CTNND2: variants seen among roughly 807,000 people sequenced by gnomAD.
The protein encoded by CTNND2 is catenin delta-2.
CTNND2 carries 22 observed loss-of-function variants against 144.4 expected under a neutral mutation model. That is an observed-to-expected ratio of 0.15 (90% CI 0.11 to 0.22). The LOEUF (loss-of-function observed/expected upper bound fraction) is 0.22, where lower values mean the gene tolerates loss of function less well. Among genes scored for constraint, CTNND2 ranks in the 10% least tolerant of loss-of-function variants. The probability of loss-of-function intolerance (pLI) is 1.00; values close to 1 mark genes in which losing one functional copy is unlikely to be tolerated. For synonymous variants in CTNND2, 751 were observed against 695.6 expected, an observed-to-expected ratio of 1.08 and a Z score of -1.25; for missense variants, 1,353 against 1,618.8, an observed-to-expected ratio of 0.84 and a Z score of 2.82.
intron 17 of CTNND2, among the ~76,000 whole-genome samples, chr5:11,019,943 G>T (rs867417404): frequency 2.0e-5 from 3 of 152,304 alleles, no homozygotes; most frequent in Middle Eastern, 3.4e-3. Flanking sequence ...GATGTGAAAA[G>T]AATAAATAAT....
intron 2 of CTNND2, among the ~76,000 whole-genome samples, chr5:11,690,173 G>GA: frequency 6.6e-6 from 1 of 152,338 alleles, no homozygotes; most frequent in East Asian, 1.9e-4. Context: ...TAAAATCAGT[G>GA]CCAGGAATGT....
At chr5:11,173,712 T>C (rs1389603014) in intron 11 of CTNND2, among the ~76,000 whole-genome samples, 1 of 152,236 alleles carries the variant, frequency 6.6e-6, no homozygotes, top group Non-Finnish European at 1.5e-5. Context: ...CAATTGGAGC[T>C]ATAAGGTTAG....
chr5:11,200,731 T>G (rs1354968333), intron 10 of CTNND2, among the ~76,000 whole-genome samples: 1 of 152,180 alleles, frequency 6.6e-6, no homozygotes, highest in Non-Finnish European at 1.5e-5. Context: ...CAGGCTGGAG[T>G]GCAGTGGCGC....
intron 9 of CTNND2, among the ~76,000 whole-genome samples, chr5:11,283,103 A>G (rs1407117298): frequency 2.0e-5 from 3 of 152,110 alleles, no homozygotes; most frequent in African/African-American, 7.2e-5. Context: ...GCTTGCTTTT[A>G]CCCCAGCCCC....
At chr5:11,439,302 A>G (rs377672854) in intron 3 of CTNND2, among the ~76,000 whole-genome samples, 1 of 152,114 alleles carries the variant, frequency 6.6e-6, no homozygotes, top group South Asian at 2.1e-4. Context: ...AGCAGAGGGG[A>G]TGCCTTGGTC....
chr5:11,671,097 A>G (rs1243681621), intron 2 of CTNND2, among the ~76,000 whole-genome samples: 2 of 152,234 alleles, frequency 1.3e-5, no homozygotes, highest in Non-Finnish European at 2.9e-5. Context: ...AATGTTGAAT[A>G]CTGGCCCCCC....
chr5:11,034,327 G>T (rs552050351), intron 16 of CTNND2, among the ~76,000 whole-genome samples: 50 of 152,294 alleles, frequency 3.3e-4, no homozygotes, highest in African/African-American at 1.2e-3. Flanking sequence ...CGAGTGTTCA[G>T]CTAGATTGAA....
intron 14 of CTNND2, among the ~76,000 whole-genome samples, chr5:11,102,508 G>T (rs1283248066): frequency 2.6e-5 from 4 of 152,122 alleles, no homozygotes; most frequent in African/African-American, 9.7e-5. Flanking sequence ...CAAACCAATA[G>T]ATTGATTTTT....
At chr5:11,078,729 T>G (rs535936075) in intron 16 of CTNND2, among the ~76,000 whole-genome samples, 35 of 152,178 alleles carry the variant, frequency 2.3e-4, no homozygotes, top group Non-Finnish European at 4.0e-4. Flanking sequence ...GGGATAGGAT[T>G]TTATTGGGAA....
At position 11,357,820 on chromosome 5, in the gene CTNND2, T is replaced by C. The variant is rs539058624; in HGVS notation, c.1372+6876A>G. On this transcript the variant is annotated intron_variant, in intron 8 of 21. Transcript: ENST00000304623. Reference sequence around the variant, plus strand: ...ATCCCATGAACATGTACATGTGTCATTACAATGTGTCAACTAAAAAATTAA... The same window carrying C: ...ATCCCATGAACATGTACATGTGTCACTACAATGTGTCAACTAAAAAATTAA... Among the ~76,000 whole-genome samples the C allele has an allele frequency of 2.0e-5, 3 of 152,178 alleles. No homozygotes were observed. The East Asian group carries it at 5.8e-4, about 29-fold the overall frequency.
intron 11 of CTNND2, among the ~76,000 whole-genome samples, chr5:11,181,393 G>A (rs948564758): frequency 1.3e-5 from 2 of 152,116 alleles, no homozygotes; most frequent in African/African-American, 4.8e-5. Context: ...AGACACATGT[G>A]GGGCCACTTT....
chr5:11,309,089 C>T (rs1450867996), intron 9 of CTNND2, among the ~76,000 whole-genome samples: 1 of 152,204 alleles, frequency 6.6e-6, no homozygotes, highest in South Asian at 2.1e-4. Flanking sequence ...ATTGGGGATT[C>T]GAATTTGACA....
intron 2 of CTNND2, among the ~76,000 whole-genome samples, chr5:11,670,556 G>A (rs1449230832): frequency 2.0e-5 from 3 of 152,066 alleles, no homozygotes; most frequent in Non-Finnish European, 1.5e-5. Flanking sequence ...TTTTATCAGA[G>A]ACAAGACTAG....
intron 3 of CTNND2, among the ~76,000 whole-genome samples, chr5:11,476,039 T>C (rs32603): frequency 0.43 from 64,078 of 149,540 alleles, 13,830 homozygotes; most frequent in Middle Eastern, 0.53. Context: ...TTTCTATTTT[T>C]TTTTTTTTTT....
chr5:11,655,871 AC>A (rs113733755), intron 2 of CTNND2, among the ~76,000 whole-genome samples: 12 of 151,082 alleles, frequency 7.9e-5, no homozygotes, highest in East Asian at 1.9e-4. Context: ...CCAAGTTGCT[AC>A]TTTTTTTTTC....
rs1758926445 is a variant in CTNND2, at chr5:11,385,098, G to C, written c.744C>G (p.Ala248=). The part of the protein sequence containing the change: ...FHLPDAPPAA[A]AAALYYSSST... ...AGCTGGAGTAGTAGAGCGCGGCGGC[G>C]GCGGCGGCGGGCGGCGCGTCGGGCA... The change falls in exon 7 of 22, where the codon GCC becomes GCG. Residue 248 remains alanine (A), a synonymous_variant. Coordinates refer to ENST00000304623, the MANE Select transcript of CTNND2 (RefSeq NM_001332.4). 1 of 1,032,204 alleles carries C rather than the reference G, an allele frequency of 9.7e-7. No homozygotes were observed. Among genetic ancestry groups the C allele is most frequent in the African/African-American group, 1.7e-5 (1 of 57,384 alleles). 63.9% of individuals were successfully genotyped at this position (1,032,204 alleles called of 1,614,324 possible). A position where few individuals can be genotyped will look rare whatever the true frequency, so the allele number is the denominator to read the frequency against.
intron 1 of CTNND2, among the ~76,000 whole-genome samples, chr5:11,739,951 A>G (rs1167306249): frequency 6.6e-6 from 1 of 152,212 alleles, no homozygotes; most frequent in Non-Finnish European, 1.5e-5. Flanking sequence ...TGCTTCAAAG[A>G]GAATAAAAAA....
At chr5:11,465,302 CTTT>C (rs538279094) in intron 3 of CTNND2, among the ~76,000 whole-genome samples, 1 of 139,388 alleles carries the variant, frequency 7.2e-6, no homozygotes. Flanking sequence ...CAAAACTGAA[CTTT>C]TTTTTTTTTT....
At chr5:11,211,948 T>G (rs2149847024) in intron 10 of CTNND2, among the ~76,000 whole-genome samples, 1 of 152,220 alleles carries the variant, frequency 6.6e-6, no homozygotes, top group Non-Finnish European at 1.5e-5. Context: ...ATACTGACTT[T>G]AAAAAAATTT....
Sources: allele counts gnomAD v4.1 joint callset (sites outside exome capture counted in the v4.1 genomes callset), GRCh38; gene constraint gnomAD v4.1.1; transcripts MANE v1.5; gene names NCBI Gene and HGNC (gene_info 2026-07-23, HGNC 2026-07-21).